PRRX1: variants seen among roughly 807,000 people sequenced by gnomAD.
PRRX1 encodes the protein paired related homeobox 1.
Under a neutral mutation model 24.0 loss-of-function variants are expected in PRRX1, and 8 were observed. The observed-to-expected ratio is 0.33, with a 90% CI of 0.20 to 0.60. The LOEUF (loss-of-function observed/expected upper bound fraction) is 0.60, where lower values mean the gene tolerates loss of function less well. Ranked by LOEUF, PRRX1 falls within the 20% of genes least tolerant of loss-of-function variation. The pLI is 0.82. For missense variants in PRRX1, 281 were observed against 322.4 expected (o/e 0.87, Z 0.98); for synonymous variants, 160 against 131.7 (o/e 1.22, Z -1.47).
intron 1 of PRRX1, among the ~76,000 whole-genome samples, chr1:170,696,569 C>T (rs1183335946): frequency 6.6e-6 from 1 of 152,062 alleles, no homozygotes; most frequent in Non-Finnish European, 1.5e-5. Flanking sequence ...CACATTTTGC[C>T]ATTTGTGCTA....
At chr1:170,719,039 T>C (rs1239760107) in intron 1 of PRRX1, among the ~76,000 whole-genome samples, 1 of 152,220 alleles carries the variant, frequency 6.6e-6, no homozygotes, top group South Asian at 2.1e-4. Flanking sequence ...TTCCTGTTCT[T>C]GGGTTCTCAG....
At chr1:170,720,581 T>A (rs1479223412) in intron 2 of PRRX1, among the ~76,000 whole-genome samples, 2 of 152,190 alleles carry the variant, frequency 1.3e-5, no homozygotes, top group Non-Finnish European at 2.9e-5. Context: ...GATCTCGAAG[T>A]GGTTAAAGAG....
At chr1:170,692,165 A>T (rs778566523) in intron 1 of PRRX1, among the ~76,000 whole-genome samples, 12 of 152,094 alleles carry the variant, frequency 7.9e-5, no homozygotes, top group Non-Finnish European at 1.3e-4. Context: ...ACCAAAATTG[A>T]AGTTGGATCT....
chr1:170,728,103 A>G (rs1213149260), intron 3 of PRRX1: 1 of 152,172 alleles, frequency 6.6e-6, no homozygotes, highest in Non-Finnish European at 1.5e-5. Context: ...TGGGTCCTCC[A>G]TAGGAACTTT....
At chr1:170,666,418 A>C (rs12758136) in intron 1 of PRRX1, among the ~76,000 whole-genome samples, 1 of 30,848 alleles carries the variant, frequency 3.2e-5, no homozygotes, top group Non-Finnish European at 5.7e-5. Context: ...ACTCCGTCTC[A>C]AAAAAAAAAA....
In PRRX1 at chr1:170,726,214, C is replaced by T. The variant is rs1419331535; in HGVS notation, c.418-6C>T. 9.9e-6 allele frequency: 16 copies of T among 1,613,078 alleles called. No homozygotes were observed. The highest frequency in any genetic ancestry group is 6.7e-5 in the African/African-American group (5 of 74,896). ...TATGCCTTCTTGCCTCCTAACAATC[C>T]TCCAGGTGTGGTTTCAGAACCGAAG... is the stretch of plus-strand genomic sequence containing the variant. On this transcript the variant is annotated splice_region_variant and splice_polypyrimidine_tract_variant and intron_variant, in intron 2 of 3. Coordinates refer to ENST00000239461, the MANE Select transcript of PRRX1 (RefSeq NM_022716.4).
intron 1 of PRRX1, among the ~76,000 whole-genome samples, chr1:170,689,563 A>G (rs1653857412): frequency 1.3e-5 from 2 of 152,178 alleles, no homozygotes; most frequent in Admixed American, 1.3e-4. Context: ...TTTAATCTTT[A>G]TATGCCTGTG....
rs546484453 is a variant in PRRX1 at position 170,704,156 on chromosome 1, A to G, written c.242-15570A>G. On this transcript the variant is annotated intron_variant, in intron 1 of 3. Coordinates refer to ENST00000239461, the MANE Select transcript of PRRX1 (RefSeq NM_022716.4). ...TATTAAATTAACACTTTTTAAAATT[A>G]AAATTGTATTGTGTCCTTTTGTTAT... Among the ~76,000 whole-genome samples, 61 of 152,362 alleles carry G rather than the reference A, an allele frequency of 4.0e-4. No homozygotes were observed. In the South Asian group the frequency reaches 6.2e-3, roughly 16 times the overall value.
chr1:170,694,876 A>G (rs560655525), intron 1 of PRRX1, among the ~76,000 whole-genome samples: 1 of 152,308 alleles, frequency 6.6e-6, no homozygotes, highest in Admixed American at 6.5e-5. Flanking sequence ...TGTTTTTAAA[A>G]TAACGGTAGA....
At chr1:170,687,014 T>TCC (rs1314577925) in intron 1 of PRRX1, among the ~76,000 whole-genome samples, 3 of 146,004 alleles carry the variant, frequency 2.1e-5, no homozygotes, top group Non-Finnish European at 4.5e-5. Context: ...TTAAGCATCC[T>TCC]CCCCCAGCCC....
At chr1:170,674,773 A>G (rs1410185726) in intron 1 of PRRX1, among the ~76,000 whole-genome samples, 1 of 151,966 alleles carries the variant, frequency 6.6e-6, no homozygotes, top group African/African-American at 2.4e-5. Flanking sequence ...TGTAAATTAT[A>G]GGAGTAATAC....
At chr1:170,735,455 T>C (rs539922123) in intron 3 of PRRX1, among the ~76,000 whole-genome samples, 5 of 152,176 alleles carry the variant, frequency 3.3e-5, no homozygotes, top group Non-Finnish European at 5.9e-5. Context: ...TAGTAACCTC[T>C]TGATTCAGCA....
At chr1:170,716,133 C>T (rs757165752) in intron 1 of PRRX1, among the ~76,000 whole-genome samples, 3 of 152,146 alleles carry the variant, frequency 2.0e-5, no homozygotes, top group Non-Finnish European at 4.4e-5. Context: ...TATTTTATGA[C>T]TCATGATCCC....
At chr1:170,710,601 C>T (rs1654714302) in intron 1 of PRRX1, among the ~76,000 whole-genome samples, 1 of 152,190 alleles carries the variant, frequency 6.6e-6, no homozygotes, top group Non-Finnish European at 1.5e-5. Flanking sequence ...TGAATGTTTA[C>T]ATCCTCCCCA....
intron 1 of PRRX1, among the ~76,000 whole-genome samples, chr1:170,702,067 ATTAAT>A (rs1220883862): frequency 1.3e-5 from 2 of 152,266 alleles, no homozygotes; most frequent in East Asian, 3.9e-4. Context: ...CTCATCAGGC[ATTAAT>A]TTAAATTATC....
chr1:170,736,308 A>T lies in PRRX1; in HGVS notation c.*122A>T. 1 of 1,365,030 alleles carries T rather than the reference A, an allele frequency of 7.3e-7. No homozygotes were observed. 84.6% of individuals were successfully genotyped at this position (1,365,030 alleles called of 1,614,324 possible). ...AATTACAAACAAACAAACAAAGCAG[A>T]ACTAAAATATTGGGACCATGGCAGA... On this transcript the variant is annotated 3_prime_UTR_variant, in exon 4 of 4. Coordinates refer to ENST00000239461, the MANE Select transcript of PRRX1 (RefSeq NM_022716.4).
At chr1:170,697,035 C>T (rs1312774692) in intron 1 of PRRX1, among the ~76,000 whole-genome samples, 1 of 152,080 alleles carries the variant, frequency 6.6e-6, no homozygotes, top group Non-Finnish European at 1.5e-5. Context: ...GCAGACCAAA[C>T]GTGAAGGAAC....
At chr1:170,690,882 A>G (rs1173064396) in intron 1 of PRRX1, among the ~76,000 whole-genome samples, 1 of 152,144 alleles carries the variant, frequency 6.6e-6, no homozygotes, top group East Asian at 1.9e-4. Context: ...AGCTCGATGC[A>G]GTCTTTGCTG....
chr1:170,701,908 A>G (rs1654371547), intron 1 of PRRX1, among the ~76,000 whole-genome samples: 4 of 151,958 alleles, frequency 2.6e-5, no homozygotes, highest in African/African-American at 9.7e-5. Context: ...TACATAAATT[A>G]TTTTATAGTC....
Sources: allele counts gnomAD v4.1 joint callset (sites outside exome capture counted in the v4.1 genomes callset), GRCh38; gene constraint gnomAD v4.1.1; transcripts MANE v1.5; gene names NCBI Gene and HGNC (gene_info 2026-07-23, HGNC 2026-07-21).